Variants in SMS observed in about 807,000 individuals in gnomAD.
The protein encoded by SMS is spermine synthase, also known as spermidine aminopropyltransferase.
In SMS, 3 loss-of-function variants were observed where a neutral mutation model predicts 33.0. The ratio of observed to expected loss-of-function variants is 0.09; its 90% CI spans 0.04 to 0.23. The LOEUF is 0.23. Ranked by LOEUF, SMS falls within the 10% of genes least tolerant of loss-of-function variation. SMS has a pLI of 1.00. For synonymous variants in SMS, 103 were observed against 112.2 expected (o/e 0.92, Z 0.52); for missense variants, 117 against 288.6 (o/e 0.41, Z 4.31).
rs1246097353 is a variant in SMS, at chrX:21,946,710, G to GTAC, written c.49+5838_49+5840dup. Among the ~76,000 whole-genome samples, 22 of 111,785 alleles carry GTAC rather than the reference G, an allele frequency of 2.0e-4. No homozygotes were observed. In the Admixed American group the frequency reaches 2.1e-3, roughly 11 times the overall value. On this transcript the variant is annotated intron_variant, in intron 1 of 10. Coordinates refer to ENST00000404933, the MANE Select transcript of SMS (RefSeq NM_004595.5). ...ACTGGGGAGATGCTACTAGCATCTA[G>GTAC]TACGTCCTGCAGCGCACAGGACAAC...
chrX:21,989,673 C>G (rs1365887487), intron 9 of SMS, among the ~76,000 whole-genome samples: 3 of 111,780 alleles, frequency 2.7e-5, no homozygotes, highest in Non-Finnish European at 5.6e-5. Flanking sequence ...TTTTCCAGAT[C>G]TACCCTTTGC....
chrX:21,964,078 T>G (rs960892514), intron 1 of SMS, among the ~76,000 whole-genome samples: 7 of 109,834 alleles, frequency 6.4e-5, no homozygotes, highest in South Asian at 4.0e-4. Flanking sequence ...TTTTTTTTTT[T>G]TGTGAAGTAG....
rs1925176643 is a variant in SMS, at chrX:21,984,297, C to T, written c.751-7C>T. 9.6e-7 allele frequency: 1 copy of T among 1,040,963 alleles called. No homozygotes were observed. The highest frequency in any genetic ancestry group is 1.8e-5 in the African/African-American group (1 of 54,533). 85.8% of individuals were successfully genotyped at this position (1,040,963 alleles called of 1,213,427 possible). On this transcript the variant is annotated splice_polypyrimidine_tract_variant and splice_region_variant and intron_variant, in intron 7 of 10. Coordinates refer to ENST00000404933, the MANE Select transcript of SMS (RefSeq NM_004595.5). ...GCTCACTCATCTATTCCTGTTCTTTCTGGAAGGTTCTAATAGAAGACTGTA... is the reference window on the plus strand; with the variant it reads ...GCTCACTCATCTATTCCTGTTCTTTTTGGAAGGTTCTAATAGAAGACTGTA...
intron 10 of SMS, among the ~76,000 whole-genome samples, chrX:21,993,018 G>A (rs1036296867): frequency 2.7e-5 from 3 of 111,604 alleles, no homozygotes; most frequent in Non-Finnish European, 5.6e-5. Context: ...CTGCAGCATC[G>A]CTCAAGAACT....
At chrX:21,986,194 C>G (rs1335009654) in intron 9 of SMS, among the ~76,000 whole-genome samples, 1 of 108,602 alleles carries the variant, frequency 9.2e-6, no homozygotes, top group African/African-American at 3.4e-5. Context: ...ACTAAAAATA[C>G]AAAAATTAGC....
At chrX:21,946,639 C>T (rs1490674686) in intron 1 of SMS, among the ~76,000 whole-genome samples, 3 of 111,286 alleles carry the variant, frequency 2.7e-5, no homozygotes, top group South Asian at 3.8e-4. Context: ...TGCTTCCCTC[C>T]GTGGGTGACA....
intron 1 of SMS, among the ~76,000 whole-genome samples, chrX:21,966,258 TCCC>T (rs1236860922): frequency 3.6e-5 from 4 of 112,406 alleles, no homozygotes; most frequent in Non-Finnish European, 7.5e-5. Flanking sequence ...TTGATATTTT[TCCC>T]CTCACAGGAG....
intron 2 of SMS, among the ~76,000 whole-genome samples, chrX:21,968,135 G>T (rs1000259964): frequency 8.9e-6 from 1 of 112,348 alleles, no homozygotes; most frequent in Admixed American, 9.3e-5. Flanking sequence ...CTCGAAGTAG[G>T]GTGGGTGCAG....
At chrX:21,963,840 C>CAT (rs767193397) in intron 1 of SMS, among the ~76,000 whole-genome samples, 8 of 111,859 alleles carry the variant, frequency 7.2e-5, no homozygotes, top group Non-Finnish European at 1.3e-4. Flanking sequence ...ATCTTGAGGC[C>CAT]ATTTACCAGG....
intron 2 of SMS, among the ~76,000 whole-genome samples, chrX:21,971,549 C>T (rs1924158527): frequency 8.9e-6 from 1 of 111,862 alleles, no homozygotes; most frequent in Admixed American, 9.5e-5. Context: ...GTTTACCCTT[C>T]TCCACACTCC....
At chrX:21,992,557 G>A (rs998706701) in intron 9 of SMS, 40 bp from the exon 10 acceptor site, 5 of 848,782 alleles carry the variant, frequency 5.9e-6, no homozygotes, top group Non-Finnish European at 8.8e-6. Flanking sequence ...GCCCTTGGAA[G>A]GACTCAAGAA....
chrX:21,979,199 T>TA (rs397687745), intron 7 of SMS, among the ~76,000 whole-genome samples: 5 of 110,015 alleles, frequency 4.5e-5, no homozygotes, highest in Non-Finnish European at 7.6e-5. Context: ...TTTTTTTTTT[T>TA]ATTATACTTT....
intron 2 of SMS, 37 bp downstream of exon 2, chrX:21,967,353 A>G (rs763063766): frequency 8.4e-7 from 1 of 1,195,628 alleles, no homozygotes; most frequent in South Asian, 1.8e-5. Flanking sequence ...ATACCTGGTC[A>G]CTTATGAGCA....
intron 1 of SMS, among the ~76,000 whole-genome samples, chrX:21,962,145 ACAAG>A (rs1314646913): frequency 1.8e-5 from 2 of 111,566 alleles, no homozygotes; most frequent in South Asian, 3.8e-4. Context: ...TCTTTTATTG[ACAAG>A]CAAGGGCATT....
At chrX:21,974,967 G>C (rs772822249) in intron 4 of SMS, among the ~76,000 whole-genome samples, 5 of 107,620 alleles carry the variant, frequency 4.6e-5, no homozygotes, top group Non-Finnish European at 7.7e-5. Flanking sequence ...ATTCCCCTTT[G>C]ATAAGTTAAG....
chrX:21,946,586 A>G (rs1325412062), intron 1 of SMS, among the ~76,000 whole-genome samples: 1 of 111,581 alleles, frequency 9.0e-6, no homozygotes, highest in African/African-American at 3.3e-5. Context: ...TGCTTCCACG[A>G]TTCTGAAGCC....
intron 10 of SMS, 51 bp from the exon 11 acceptor site, chrX:21,994,261 T>C (rs1445235205): frequency 1.9e-6 from 2 of 1,079,251 alleles, no homozygotes; most frequent in African/African-American, 3.7e-5. Flanking sequence ...TTACAAGTGA[T>C]GTCTTTTCTT....
At chrX:21,990,020 A>T (rs1054491106) in intron 9 of SMS, among the ~76,000 whole-genome samples, 1 of 111,840 alleles carries the variant, frequency 8.9e-6, no homozygotes, top group Non-Finnish European at 1.9e-5. Context: ...AGCATTATAG[A>T]TGTGAGCCGC....
intron 8 of SMS, among the ~76,000 whole-genome samples, chrX:21,984,767 A>G (rs896560153): frequency 4.5e-5 from 5 of 112,225 alleles, no homozygotes; most frequent in African/African-American, 1.6e-4. Context: ...CTCAAACCAG[A>G]TGTTTGTTCC....
Sources: gnomAD v4.1 joint callset for allele counts (sites outside exome capture counted in the v4.1 genomes callset) on GRCh38, gnomAD v4.1.1 for gene constraint, MANE v1.5 for transcripts, NCBI Gene and HGNC (gene_info 2026-07-23, HGNC 2026-07-21) for gene names.